The following L3MBTL3 variants were observed in gnomAD, a reference collection of about 807,000 sequenced individuals.
The protein encoded by L3MBTL3 is lethal(3)malignant brain tumor-like protein 3.
In L3MBTL3, 27 loss-of-function variants were observed where a neutral mutation model predicts 102.3. That is an observed-to-expected ratio of 0.26 (90% confidence interval 0.19 to 0.36). The LOEUF is 0.36. Among genes scored for constraint, L3MBTL3 ranks in the 10% least tolerant of loss-of-function variants. The pLI, the probability that L3MBTL3 is intolerant of heterozygous loss-of-function variation, is 1.00. For missense variants in L3MBTL3, 798 were observed against 955.3 expected (o/e 0.84, Z 2.17); for synonymous variants, 340 against 320.9 (o/e 1.06, Z -0.64).
At chr6:130,042,086 A>G (rs975156577) in intron 2 of L3MBTL3, among the ~76,000 whole-genome samples, 13 of 152,368 alleles carry the variant, frequency 8.5e-5, no homozygotes, top group African/African-American at 3.1e-4. Flanking sequence ...TTACAAAGAC[A>G]ACAGTCTTAG....
chr6:130,138,688 G>C (rs1366054493), intron 22 of L3MBTL3, among the ~76,000 whole-genome samples: 1 of 152,074 alleles, frequency 6.6e-6, no homozygotes, highest in Non-Finnish European at 1.5e-5. Flanking sequence ...GTGCGTTGCT[G>C]TCAAGGTTTC....
chr6:130,134,089 G>C (rs1787355897), intron 22 of L3MBTL3, among the ~76,000 whole-genome samples, 184 bp downstream of exon 22: 1 of 152,084 alleles, frequency 6.6e-6, no homozygotes, highest in South Asian at 2.1e-4. Flanking sequence ...TATAAGATGA[G>C]ATGCATAAGA....
chr6:130,111,042 A>AT (rs34210995), intron 19 of L3MBTL3, among the ~76,000 whole-genome samples: 23 of 151,562 alleles, frequency 1.5e-4, no homozygotes, highest in Admixed American at 3.9e-4. Context: ...AGACATTATG[A>AT]TTTTTTTTTA....
chr6:130,057,681 T>C (rs1350639228), intron 9 of L3MBTL3, among the ~76,000 whole-genome samples, 184 bp downstream of exon 9: 1 of 152,184 alleles, frequency 6.6e-6, no homozygotes, highest in Non-Finnish European at 1.5e-5. Context: ...GTGCCACACA[T>C]GTGCCATGTG....
intron 19 of L3MBTL3, among the ~76,000 whole-genome samples, chr6:130,105,621 C>CAAAA (rs35147208): frequency 0.066 from 8,033 of 122,248 alleles, 465 homozygotes; most frequent in Middle Eastern, 0.13. Context: ...GACCCTGTCT[C>CAAAA]AAAAAAAAAA....
In L3MBTL3 at chr6:130,047,252, G is replaced by A. The variant is rs567164353; in HGVS notation, c.103-2030G>A. 7.9e-5 allele frequency among the ~76,000 whole-genome samples: 12 copies of A among 152,244 alleles called. No individual in the cohort carries two copies. In the East Asian group the frequency reaches 2.3e-3, roughly 29 times the overall value. On this transcript the variant is annotated intron_variant, in intron 3 of 22. Transcript: ENST00000361794. ...CTGTGGATCTCTGGCTTACAAGAGT[G>A]AACTGTGCCCCGAAGTGACATTGCA...
intron 6 of L3MBTL3, among the ~76,000 whole-genome samples, chr6:130,052,479 ATTC>A (rs2114793924): frequency 6.6e-6 from 1 of 152,316 alleles, no homozygotes; most frequent in South Asian, 2.1e-4. Context: ...TGGATTTGTC[ATTC>A]TTAATAACTG....
intron 20 of L3MBTL3, among the ~76,000 whole-genome samples, chr6:130,127,966 G>T (rs13216323): frequency 0.067 from 10,129 of 152,130 alleles, 469 homozygotes; most frequent in Non-Finnish European, 0.1. Context: ...TGAATGTGGG[G>T]ACCTACTTTT....
intron 2 of L3MBTL3, among the ~76,000 whole-genome samples, chr6:130,026,827 G>C (rs2114498661): frequency 6.6e-6 from 1 of 152,180 alleles, no homozygotes; most frequent in South Asian, 2.1e-4. Context: ...ATCAATCAAT[G>C]AAAGAATGGG....
intron 2 of L3MBTL3, among the ~76,000 whole-genome samples, chr6:130,030,804 T>C (rs1779673797): frequency 6.6e-6 from 1 of 152,144 alleles, no homozygotes. Context: ...GTAAAATCTG[T>C]TTCTTAGCTG....
At chr6:130,123,727 G>A (rs1786399308) in intron 20 of L3MBTL3, among the ~76,000 whole-genome samples, 1 of 152,154 alleles carries the variant, frequency 6.6e-6, no homozygotes, top group Non-Finnish European at 1.5e-5. Flanking sequence ...GTATGAAAGA[G>A]ATTTGGATAG....
chr6:130,031,253 A>G (rs976119923), intron 2 of L3MBTL3, among the ~76,000 whole-genome samples: 2 of 152,218 alleles, frequency 1.3e-5, no homozygotes, highest in Admixed American at 6.5e-5. Context: ...ACTGGGAGCT[A>G]GATTAGAAGG....
chr6:130,123,231 CT>C (rs1272359229), intron 20 of L3MBTL3, among the ~76,000 whole-genome samples: 1 of 152,010 alleles, frequency 6.6e-6, no homozygotes, highest in African/African-American at 2.4e-5. Flanking sequence ...AGTTTTATGT[CT>C]TTCTAATTTT....
At chr6:130,081,090 G>A (rs111658471) in intron 14 of L3MBTL3, among the ~76,000 whole-genome samples, 3,985 of 152,270 alleles carry the variant, frequency 0.026, 173 homozygotes, top group African/African-American at 0.088. Flanking sequence ...TTCTAAACAC[G>A]CAGCCTCTCT....
chr6:130,054,358 A>G (rs1781323488), intron 7 of L3MBTL3, among the ~76,000 whole-genome samples: 1 of 152,326 alleles, frequency 6.6e-6, no homozygotes. Flanking sequence ...GCCTCTGGAA[A>G]GTTAAGACAA....
intron 13 of L3MBTL3, among the ~76,000 whole-genome samples, chr6:130,076,895 C>T (rs1419237606): frequency 6.6e-6 from 1 of 152,072 alleles, no homozygotes; most frequent in Non-Finnish European, 1.5e-5. Flanking sequence ...CGACTTTGAT[C>T]AATATCTAGA....
At chr6:130,130,229 G>A (rs963391791) in intron 20 of L3MBTL3, among the ~76,000 whole-genome samples, 2 of 152,058 alleles carry the variant, frequency 1.3e-5, no homozygotes, top group Non-Finnish European at 2.9e-5. Flanking sequence ...AACAATGTGC[G>A]GAACATTAGA....
intron 13 of L3MBTL3, among the ~76,000 whole-genome samples, chr6:130,076,561 T>C (rs879153386): frequency 6.6e-6 from 1 of 152,160 alleles, no homozygotes; most frequent in Non-Finnish European, 1.5e-5. Context: ...CACTTACACA[T>C]GAAATGTATT....
intron 20 of L3MBTL3, among the ~76,000 whole-genome samples, chr6:130,128,424 A>G (rs1227339699): frequency 6.6e-6 from 1 of 152,158 alleles, no homozygotes; most frequent in Non-Finnish European, 1.5e-5. Context: ...GCTAGCCATT[A>G]AAGTACTATT....
Sources: gnomAD v4.1 joint callset for allele counts (sites outside exome capture counted in the v4.1 genomes callset) on GRCh38, gnomAD v4.1.1 for gene constraint, MANE v1.5 for transcripts, NCBI Gene and HGNC (gene_info 2026-07-23, HGNC 2026-07-21) for gene names.